Variants in SLC35F4 observed in about 807,000 individuals in gnomAD.
SLC35F4 encodes solute carrier family 35 member F4.
In SLC35F4, 24 loss-of-function variants were observed where a neutral mutation model predicts 44.2. The ratio of observed to expected loss-of-function variants is 0.54; its 90% CI spans 0.39 to 0.76. The LOEUF (loss-of-function observed/expected upper bound fraction) is 0.76. Ranked by LOEUF, SLC35F4 falls within the 30% of genes least tolerant of loss-of-function variation. The pLI is 0.00. For synonymous variants in SLC35F4, 238 were observed against 223.6 expected, an observed-to-expected ratio of 1.06 and a Z score of -0.57; for missense variants, 562 against 586.1, an observed-to-expected ratio of 0.96 and a Z score of 0.42.
At chr14:57,714,623 C>T (rs1386300072) in intron 1 of SLC35F4, among the ~76,000 whole-genome samples, 1 of 152,082 alleles carries the variant, frequency 6.6e-6, no homozygotes, top group African/African-American at 2.4e-5. Flanking sequence ...AGTGCATTCA[C>T]TCATTCAGCA....
chr14:57,920,424 T>C (rs1276328750), intron 1 of SLC35F4, among the ~76,000 whole-genome samples: 1 of 152,020 alleles, frequency 6.6e-6, no homozygotes, highest in East Asian at 1.9e-4. Flanking sequence ...AACTAAAAAA[T>C]TAGCCAGGCA....
intron 1 of SLC35F4, among the ~76,000 whole-genome samples, chr14:57,606,403 G>A (rs1360574256): frequency 4.6e-5 from 7 of 152,138 alleles, no homozygotes; most frequent in Non-Finnish European, 1.0e-4. Flanking sequence ...GCTTATGCTT[G>A]AAATAATATC....
chr14:57,939,081 C>T (rs1889869173), intron 1 of SLC35F4, among the ~76,000 whole-genome samples: 2 of 151,762 alleles, frequency 1.3e-5, no homozygotes, highest in African/African-American at 2.4e-5. Context: ...TGCTTCAGTG[C>T]TGGTATCTTT....
At chr14:57,839,070 G>C (rs1410729587) in intron 1 of SLC35F4, among the ~76,000 whole-genome samples, 1 of 152,068 alleles carries the variant, frequency 6.6e-6, no homozygotes, top group Non-Finnish European at 1.5e-5. Context: ...TTTAATGTCA[G>C]TCTAGGGATA....
At chr14:57,635,353 C>T (rs934868491) in intron 1 of SLC35F4, among the ~76,000 whole-genome samples, 1 of 151,794 alleles carries the variant, frequency 6.6e-6, no homozygotes, top group Non-Finnish European at 1.5e-5. Context: ...GGAGTACTCA[C>T]TGAAGTGCGG....
chr14:57,626,629 C>T (rs1160295160), intron 1 of SLC35F4, among the ~76,000 whole-genome samples: 3 of 152,058 alleles, frequency 2.0e-5, no homozygotes, highest in African/African-American at 7.2e-5. Flanking sequence ...AGTTCAAGAA[C>T]CAGAACTCGA....
At chr14:57,860,963 A>T (rs182313517) in intron 1 of SLC35F4, among the ~76,000 whole-genome samples, 43 of 152,300 alleles carry the variant, frequency 2.8e-4, no homozygotes, top group Middle Eastern at 3.4e-3. Flanking sequence ...CCCATTGGAT[A>T]ATCTGTAACT....
chr14:57,845,711 A>T (rs17093778), intron 1 of SLC35F4, among the ~76,000 whole-genome samples: 22,796 of 152,204 alleles, frequency 0.15, 1,825 homozygotes, highest in East Asian at 0.23. Context: ...GGGGTTTTAC[A>T]TGCATGATCT....
chr14:57,917,275 G>T (rs924420999), intron 1 of SLC35F4, among the ~76,000 whole-genome samples: 3 of 152,118 alleles, frequency 2.0e-5, no homozygotes, highest in Non-Finnish European at 4.4e-5. Flanking sequence ...TGGCCAGGCT[G>T]GTCTCGAACT....
chr14:57,803,396 A>G (rs980054705), intron 1 of SLC35F4, among the ~76,000 whole-genome samples: 3 of 152,140 alleles, frequency 2.0e-5, no homozygotes, highest in African/African-American at 7.2e-5. Flanking sequence ...AACTGGCACA[A>G]GACAAGGATG....
chr14:57,725,944 T>A (rs1225517511), intron 1 of SLC35F4, among the ~76,000 whole-genome samples: 1 of 152,228 alleles, frequency 6.6e-6, no homozygotes, highest in African/African-American at 2.4e-5. Flanking sequence ...GGCCTAGATG[T>A]CTTACTTCCA....
chr14:57,691,652 A>G (rs1029928336), intron 1 of SLC35F4, among the ~76,000 whole-genome samples: 8 of 152,190 alleles, frequency 5.3e-5, no homozygotes, highest in Non-Finnish European at 1.0e-4. Context: ...CAAAGATGAT[A>G]TTTGTTTATT....
intron 1 of SLC35F4, among the ~76,000 whole-genome samples, chr14:57,839,102 T>G (rs1885233642): frequency 6.6e-6 from 1 of 152,178 alleles, no homozygotes; most frequent in South Asian, 2.1e-4. Flanking sequence ...AAGACAGATG[T>G]GGCCCCTGAC....
chr14:57,591,595 C>T (rs1347529695), intron 2 of SLC35F4, among the ~76,000 whole-genome samples: 1 of 152,188 alleles, frequency 6.6e-6, no homozygotes, highest in East Asian at 1.9e-4. Flanking sequence ...TAAGGGTTGT[C>T]CAAGATTGAA....
intron 1 of SLC35F4, among the ~76,000 whole-genome samples, chr14:57,739,399 A>G (rs1461328481): frequency 6.6e-6 from 1 of 152,242 alleles, no homozygotes; most frequent in Non-Finnish European, 1.5e-5. Flanking sequence ...TCTTTGCATG[A>G]TAAGAGTAAA....
chr14:57,600,482 G>A (rs2070746228), intron 1 of SLC35F4, among the ~76,000 whole-genome samples: 1 of 150,640 alleles, frequency 6.6e-6, no homozygotes, highest in Admixed American at 6.6e-5. Flanking sequence ...CACGAGGTCA[G>A]GAGATCGAGA....
chr14:57,609,630 T>C (rs1297326629), intron 1 of SLC35F4, among the ~76,000 whole-genome samples: 1 of 152,216 alleles, frequency 6.6e-6, no homozygotes, highest in African/African-American at 2.4e-5. Flanking sequence ...TTAAAATGTT[T>C]CTTGTAGAGG....
intron 2 of SLC35F4, among the ~76,000 whole-genome samples, chr14:57,593,450 GA>G (rs1353090130): frequency 1.2e-4 from 18 of 152,296 alleles, no homozygotes; most frequent in African/African-American, 3.4e-4. Flanking sequence ...AGAAAATGCT[GA>G]TCAGGGAAGC....
At chr14:57,964,871 T>C (rs1890405816) in intron 1 of SLC35F4, among the ~76,000 whole-genome samples, 3 of 151,704 alleles carry the variant, frequency 2.0e-5, no homozygotes, top group African/African-American at 7.3e-5. Flanking sequence ...TGTATAAATA[T>C]TCTTAGCACA....
Sources: gnomAD v4.1 joint callset for allele counts (sites outside exome capture counted in the v4.1 genomes callset) on GRCh38, gnomAD v4.1.1 for gene constraint, MANE v1.5 for transcripts, NCBI Gene and HGNC (gene_info 2026-07-23, HGNC 2026-07-21) for gene names.